The following COX7B2 variants were observed in gnomAD, a reference collection of about 807,000 sequenced individuals.
COX7B2 encodes cytochrome c oxidase subunit 7B2, also known as cytochrome c oxidase subunit 7B2, mitochondrial.
For missense variants in COX7B2, 109 were observed against 95.9 expected (o/e 1.14, Z -0.57); for synonymous variants, 37 against 32.1 (o/e 1.15, Z -0.51).
chr4:46,900,387 A>C (rs1720008140), intron 1 of COX7B2, among the ~76,000 whole-genome samples: 1 of 152,124 alleles, frequency 6.6e-6, no homozygotes, highest in Non-Finnish European at 1.5e-5. Flanking sequence ...CCCTTAAATA[A>C]GCAGAGAAAA....
chr4:46,890,478 G>A (rs1188651623), intron 1 of COX7B2, among the ~76,000 whole-genome samples: 1 of 152,206 alleles, frequency 6.6e-6, no homozygotes, highest in East Asian at 1.9e-4. Context: ...GTATTCAAAA[G>A]AGGACAAATG....
chr4:46,801,104 C>G (rs781308695), intron 2 of COX7B2, among the ~76,000 whole-genome samples: 1 of 151,978 alleles, frequency 6.6e-6, no homozygotes, highest in Non-Finnish European at 1.5e-5. Flanking sequence ...TCTGGCAAAC[C>G]TAGGGAGAAA....
intron 1 of COX7B2, among the ~76,000 whole-genome samples, chr4:46,853,759 G>T (rs1167489622): frequency 6.6e-6 from 1 of 151,992 alleles, no homozygotes; most frequent in Non-Finnish European, 1.5e-5. Context: ...TAATTATAAA[G>T]TTAGTTATAG....
chr4:46,833,317 G>A (rs935732754), intron 2 of COX7B2, among the ~76,000 whole-genome samples: 1 of 152,192 alleles, frequency 6.6e-6, no homozygotes, highest in Non-Finnish European at 1.5e-5. Context: ...TAAAAAGTGA[G>A]CATATATCTT....
intron 2 of COX7B2, among the ~76,000 whole-genome samples, chr4:46,809,093 AT>A (rs1020149831): frequency 2.2e-4 from 33 of 151,806 alleles, no homozygotes; most frequent in East Asian, 1.2e-3. Flanking sequence ...AGATTATCCA[AT>A]TTTTTGGCAT....
At chr4:46,803,699 G>C (rs938413884) in intron 2 of COX7B2, among the ~76,000 whole-genome samples, 2 of 143,962 alleles carry the variant, frequency 1.4e-5, no homozygotes, top group South Asian at 4.4e-4. Flanking sequence ...AATTGTTGTT[G>C]CTCATTGGCT....
At chr4:46,815,351 CAG>C (rs1393620058) in intron 2 of COX7B2, among the ~76,000 whole-genome samples, 4 of 152,142 alleles carry the variant, frequency 2.6e-5, no homozygotes, top group Admixed American at 2.6e-4. Context: ...TAAATTGACA[CAG>C]AGTTGATTCT....
intron 2 of COX7B2, among the ~76,000 whole-genome samples, chr4:46,808,534 TTTG>T (rs1719122301): frequency 1.3e-5 from 2 of 151,944 alleles, no homozygotes; most frequent in South Asian, 4.1e-4. Flanking sequence ...TTCTTATTGT[TTTG>T]TTGTCTGATT....
chr4:46,807,783 C>T (rs1277016557), intron 2 of COX7B2, among the ~76,000 whole-genome samples: 1 of 151,758 alleles, frequency 6.6e-6, no homozygotes, highest in Non-Finnish European at 1.5e-5. Flanking sequence ...AGGAAGTATC[C>T]TATCTCCATT....
intron 1 of COX7B2, among the ~76,000 whole-genome samples, chr4:46,851,392 A>G (rs539697891): frequency 6.6e-6 from 1 of 152,258 alleles, no homozygotes; most frequent in East Asian, 1.9e-4. Flanking sequence ...AATGAATTTT[A>G]ATAGCATTTT....
chr4:46,882,216 T>C (rs1433738984), intron 1 of COX7B2, among the ~76,000 whole-genome samples: 1 of 152,204 alleles, frequency 6.6e-6, no homozygotes, highest in Non-Finnish European at 1.5e-5. Flanking sequence ...GGTCCAATTA[T>C]GTGGTCAATT....
intron 1 of COX7B2, among the ~76,000 whole-genome samples, chr4:46,879,158 CT>C (rs1194256523): frequency 6.6e-6 from 1 of 152,060 alleles, no homozygotes; most frequent in East Asian, 1.9e-4. Flanking sequence ...GGATCTTACT[CT>C]TTTGCCCAGA....
At chr4:46,840,633 C>T (rs533140140) in intron 2 of COX7B2, among the ~76,000 whole-genome samples, 2 of 152,026 alleles carry the variant, frequency 1.3e-5, no homozygotes, top group Non-Finnish European at 2.9e-5. Context: ...ACTTCTAATA[C>T]AACGTCTTTA....
At chr4:46,859,326 C>T (rs1717203889) in intron 1 of COX7B2, among the ~76,000 whole-genome samples, 1 of 152,132 alleles carries the variant, frequency 6.6e-6, no homozygotes, top group African/African-American at 2.4e-5. Context: ...TACACTCCCT[C>T]TTTTTTAACT....
intron 1 of COX7B2, among the ~76,000 whole-genome samples, chr4:46,871,351 T>C (rs1717979007): frequency 6.6e-6 from 1 of 152,088 alleles, no homozygotes; most frequent in South Asian, 2.1e-4. Context: ...TAAATATGGA[T>C]TAAATTAAAC....
intron 2 of COX7B2, among the ~76,000 whole-genome samples, chr4:46,801,942 T>C (rs535382188): frequency 6.6e-6 from 1 of 152,246 alleles, no homozygotes; most frequent in Non-Finnish European, 1.5e-5. Context: ...GCTCTTCAGA[T>C]TTTAGAACAG....
chr4:46,801,259 T>G lies in COX7B2; in HGVS notation c.-50+43701A>C, dbSNP rs1345617792. On this transcript the variant is annotated intron_variant, in intron 2 of 2. Transcript: ENST00000355591. Reference sequence around the variant, plus strand: ...TATATATTAAAAGGAATATAAATTGTTCTGCCATAAAGACATATGCACACA... The same window carrying G: ...TATATATTAAAAGGAATATAAATTGGTCTGCCATAAAGACATATGCACACA... Among the ~76,000 whole-genome samples, 4 of 152,296 alleles carry G rather than the reference T, an allele frequency of 2.6e-5. No individual in the cohort carries two copies. In the East Asian group the frequency reaches 5.8e-4, roughly 22 times the overall value.
intron 2 of COX7B2, among the ~76,000 whole-genome samples, chr4:46,767,979 C>T (rs1343592133): frequency 6.6e-6 from 1 of 152,236 alleles, no homozygotes; most frequent in Non-Finnish European, 1.5e-5. Context: ...GGGCGAGTGC[C>T]TTTGGGCACT....
At chr4:46,903,076 A>C (rs955099707) in intron 1 of COX7B2, among the ~76,000 whole-genome samples, 2 of 152,294 alleles carry the variant, frequency 1.3e-5, no homozygotes, top group Admixed American at 1.3e-4. Flanking sequence ...AGATAGGCCA[A>C]ATTTGAAAAT....
Sources: gnomAD v4.1 joint callset for allele counts (sites outside exome capture counted in the v4.1 genomes callset) on GRCh38, gnomAD v4.1.1 for gene constraint, MANE v1.5 for transcripts, NCBI Gene and HGNC (gene_info 2026-07-23, HGNC 2026-07-21) for gene names.